DCDC1: variants seen among roughly 807,000 people sequenced by gnomAD.
DCDC1 encodes the protein doublecortin domain-containing protein 1.
DCDC1 carries 200 observed loss-of-function variants against 178.3 expected under a neutral mutation model. That is an observed-to-expected ratio of 1.12 (90% CI 1.00 to 1.26). The LOEUF is 1.26. Among genes scored for constraint, DCDC1 ranks in the 50% most tolerant of loss-of-function variants. The probability of loss-of-function intolerance (pLI) is 0.00; values close to 1 mark genes in which losing one functional copy is unlikely to be tolerated. For synonymous variants in DCDC1, 690 were observed against 604.8 expected (o/e 1.14, Z -2.07); for missense variants, 1,983 against 1,749.2 (o/e 1.13, Z -2.38).
At chr11:30,991,279 G>A (rs564987941) in intron 20 of DCDC1, among the ~76,000 whole-genome samples, 1 of 152,016 alleles carries the variant, frequency 6.6e-6, no homozygotes, top group East Asian at 1.9e-4. Flanking sequence ...TGTAATACTA[G>A]GTATACATTT....
chr11:31,151,383 G>T (rs1490403245), intron 9 of DCDC1, among the ~76,000 whole-genome samples: 1 of 152,084 alleles, frequency 6.6e-6, no homozygotes, highest in East Asian at 1.9e-4. Flanking sequence ...GACCTAATGA[G>T]AAAACAAATT....
chr11:30,941,653 A>C (rs1263253626), intron 21 of DCDC1, among the ~76,000 whole-genome samples: 1 of 152,164 alleles, frequency 6.6e-6, no homozygotes, highest in Non-Finnish European at 1.5e-5. Flanking sequence ...CAAAATTTTT[A>C]AAAGCTAGGA....
chr11:31,183,462 A>G (rs1969091519), intron 9 of DCDC1, among the ~76,000 whole-genome samples: 1 of 152,188 alleles, frequency 6.6e-6, no homozygotes, highest in Non-Finnish European at 1.5e-5. Flanking sequence ...GCACAACTAC[A>G]TGGAAACTGA....
At chr11:31,100,274 C>G (rs1335945608) in intron 15 of DCDC1, among the ~76,000 whole-genome samples, 2 of 152,184 alleles carry the variant, frequency 1.3e-5, no homozygotes, top group South Asian at 4.2e-4. Context: ...AACAAGCAAA[C>G]AAAAAAATCC....
At chr11:30,910,153 C>T (rs1018483953) in intron 28 of DCDC1, among the ~76,000 whole-genome samples, 1 of 152,146 alleles carries the variant, frequency 6.6e-6, no homozygotes, top group Non-Finnish European at 1.5e-5. Context: ...TATTTTCTCA[C>T]AAACGAGTTG....
intron 7 of DCDC1, among the ~76,000 whole-genome samples, chr11:31,285,652 T>A (rs1946767002): frequency 6.6e-6 from 1 of 152,146 alleles, no homozygotes. Flanking sequence ...TAATAAATGG[T>A]AAACATCATA....
chr11:31,026,232 GGACTT>G (rs1953223864), intron 20 of DCDC1, among the ~76,000 whole-genome samples: 1 of 151,656 alleles, frequency 6.6e-6, no homozygotes, highest in Admixed American at 6.6e-5. Flanking sequence ...CATAAATATA[GGACTT>G]ACAACATTAC....
chr11:31,245,485 T>A lies in DCDC1; in HGVS notation c.1055-3869A>T, dbSNP rs1591527249. 2.0e-5 allele frequency among the ~76,000 whole-genome samples: 3 copies of A among 151,936 alleles called. No homozygotes were observed. The East Asian group carries it at 5.8e-4, about 29-fold the overall frequency. On this transcript the variant is annotated intron_variant, in intron 8 of 38. Transcript: ENST00000684477. The stretch of plus-strand genomic sequence containing the variant: ...TTGATCTGAATTTGTTAAATAAACA[T>A]GAATATACCCGAATTTCAAAGCATA...
Position 31,031,812 on chromosome 11 carries a change from G to T in DCDC1, c.2591+32657C>A, listed in dbSNP as rs542797303. Among the ~76,000 whole-genome samples, 4 of 152,188 alleles carry T rather than the reference G, an allele frequency of 2.6e-5. No homozygotes were observed. In the South Asian group the frequency reaches 6.2e-4, roughly 24 times the overall value. ...GCTGGAATAACAAACAATCTAGAGA[G>T]ACAATGACATTTGTAGTGTAGAGCC... is the stretch of plus-strand genomic sequence containing the variant. On this transcript the variant is annotated intron_variant, in intron 20 of 38. Transcript: ENST00000684477.
At chr11:31,274,629 G>GA in intron 7 of DCDC1, among the ~76,000 whole-genome samples, 1 of 147,882 alleles carries the variant, frequency 6.8e-6, no homozygotes, top group Middle Eastern at 3.4e-3. Flanking sequence ...AGCCTCATAG[G>GA]AAAGGAAAGA....
chr11:31,255,089 G>C (rs919338657), intron 8 of DCDC1, among the ~76,000 whole-genome samples: 5 of 152,072 alleles, frequency 3.3e-5, no homozygotes, highest in Admixed American at 3.3e-4. Flanking sequence ...ATGTGTTCAA[G>C]ATTCACCCAT....
chr11:31,358,258 G>A (rs1383868241), intron 1 of DCDC1, among the ~76,000 whole-genome samples: 1 of 152,126 alleles, frequency 6.6e-6, no homozygotes, highest in African/African-American at 2.4e-5. Context: ...CAATGGAACA[G>A]AGCAGAGCCC....
intron 9 of DCDC1, among the ~76,000 whole-genome samples, chr11:31,155,230 T>C (rs572080374): frequency 6.6e-6 from 1 of 152,338 alleles, no homozygotes; most frequent in African/African-American, 2.4e-5. Flanking sequence ...CTCTCAACTT[T>C]ATCTAGAACC....
intron 27 of DCDC1, among the ~76,000 whole-genome samples, chr11:30,913,973 T>G (rs1945643051): frequency 6.6e-6 from 1 of 152,210 alleles, no homozygotes; most frequent in Admixed American, 6.5e-5. Context: ...TAATATAAAT[T>G]GCTAAATACA....
At chr11:31,120,745 T>C (rs1366988499) in intron 11 of DCDC1, among the ~76,000 whole-genome samples, 1 of 152,174 alleles carries the variant, frequency 6.6e-6, no homozygotes, top group Non-Finnish European at 1.5e-5. Context: ...TTCTCCCACC[T>C]ACTCAGACAT....
chr11:31,342,039 G>A (rs1292994731), intron 1 of DCDC1, among the ~76,000 whole-genome samples: 1 of 152,130 alleles, frequency 6.6e-6, no homozygotes, highest in Non-Finnish European at 1.5e-5. Context: ...TATGGCAATG[G>A]CAGCACCACC....
At chr11:31,020,842 A>C (rs1194038665) in intron 20 of DCDC1, among the ~76,000 whole-genome samples, 1 of 152,222 alleles carries the variant, frequency 6.6e-6, no homozygotes, top group African/African-American at 2.4e-5. Context: ...AAAAAATTAT[A>C]ATCCAGGAAA....
At chr11:31,328,066 A>T in intron 3 of DCDC1, 51 bp downstream of exon 3, 1 of 1,497,994 alleles carries the variant, frequency 6.7e-7, no homozygotes. Context: ...TTCTATAAAC[A>T]CTTTTATCCC....
intron 1 of DCDC1, among the ~76,000 whole-genome samples, chr11:31,341,381 TTATAGATA>T (rs1950529093): frequency 8.6e-6 from 1 of 116,474 alleles, no homozygotes; most frequent in South Asian, 2.9e-4. Context: ...AATTCCAGTT[TTATAGATA>T]GATAGATAGA....
Sources: gnomAD v4.1 joint callset for allele counts (sites outside exome capture counted in the v4.1 genomes callset) on GRCh38, gnomAD v4.1.1 for gene constraint, MANE v1.5 for transcripts, NCBI Gene and HGNC (gene_info 2026-07-23, HGNC 2026-07-21) for gene names.